SMOC1: variants seen among roughly 807,000 people sequenced by gnomAD.
The protein encoded by SMOC1 is SPARC-related modular calcium-binding protein 1.
A neutral mutation model predicts 56.3 loss-of-function variants in SMOC1; 22 were observed. That is an observed-to-expected ratio of 0.39 (90% CI 0.28 to 0.56). The LOEUF is 0.56. Among genes scored for constraint, SMOC1 ranks in the 20% least tolerant of loss-of-function variants. SMOC1 has a pLI of 0.61. For missense variants in SMOC1, 509 were observed against 565.4 expected, an observed-to-expected ratio of 0.90 and a Z score of 1.01; for synonymous variants, 193 against 215.0, an observed-to-expected ratio of 0.90 and a Z score of 0.89.
intron 1 of SMOC1, among the ~76,000 whole-genome samples, chr14:69,933,936 TGA>T (rs1885232499): frequency 6.6e-6 from 1 of 152,216 alleles, no homozygotes; most frequent in Admixed American, 6.5e-5. Context: ...TTTAAAAAAC[TGA>T]TTTAGTCAAT....
chr14:69,902,888 G>A (rs1372188967), intron 1 of SMOC1, among the ~76,000 whole-genome samples: 3 of 152,194 alleles, frequency 2.0e-5, no homozygotes, highest in South Asian at 2.1e-4. Flanking sequence ...CCAAGGTGCC[G>A]GGATTGCAGA....
At chr14:69,981,336 T>C (rs1017547908) in intron 5 of SMOC1, among the ~76,000 whole-genome samples, 2 of 152,202 alleles carry the variant, frequency 1.3e-5, no homozygotes, top group Non-Finnish European at 2.9e-5. Flanking sequence ...CTTTCCTCAC[T>C]CTGTTCTTTG....
At chr14:69,967,157 A>G (rs552701580) in intron 3 of SMOC1, among the ~76,000 whole-genome samples, 17 of 152,340 alleles carry the variant, frequency 1.1e-4, no homozygotes, top group Admixed American at 6.5e-4. Flanking sequence ...AATGCAGTTG[A>G]CAAAGACTCC....
intron 1 of SMOC1, among the ~76,000 whole-genome samples, chr14:69,913,863 C>T (rs774897389): frequency 6.6e-6 from 1 of 152,194 alleles, no homozygotes; most frequent in Non-Finnish European, 1.5e-5. Context: ...TTCCTTATCT[C>T]CTTGGCTCAT....
intron 1 of SMOC1, among the ~76,000 whole-genome samples, chr14:69,921,584 G>A (rs1356142407): frequency 2.0e-5 from 3 of 152,178 alleles, no homozygotes; most frequent in African/African-American, 7.2e-5. Context: ...GTCTGCAAGA[G>A]GCGTGAAAGA....
intron 5 of SMOC1, among the ~76,000 whole-genome samples, chr14:69,984,383 A>G (rs1011938982): frequency 6.6e-6 from 1 of 152,258 alleles, no homozygotes; most frequent in Non-Finnish European, 1.5e-5. Flanking sequence ...AGAAGATAAT[A>G]TATATAAGTT....
chr14:70,008,191 G>A (rs67769254), intron 7 of SMOC1, among the ~76,000 whole-genome samples: 20,523 of 151,930 alleles, frequency 0.14, 1,601 homozygotes, highest in African/African-American at 0.2. Context: ...GTGCAGTGGC[G>A]TGATCATGGC....
chr14:70,029,622 A>G lies in SMOC1; in HGVS notation c.1292-620A>G, dbSNP rs80160647. ...GACCCAGCATACGGAAGAAGGTGCC[A>G]GTTCTCTGGTCAAGGCCACTCAATG... On this transcript the variant is annotated intron_variant, in intron 11 of 11. Coordinates refer to ENST00000361956, the MANE Select transcript of SMOC1 (RefSeq NM_001034852.3). Among the ~76,000 whole-genome samples, 32 of 152,334 alleles carry G rather than the reference A, an allele frequency of 2.1e-4. 1 individual carries two copies. The East Asian group carries it at 6.2e-3, about 29-fold the overall frequency.
At chr14:69,985,931 T>TATGTATGGGGAAAAAACAGG (rs1884348191) in intron 5 of SMOC1, among the ~76,000 whole-genome samples, 1 of 152,286 alleles carries the variant, frequency 6.6e-6, no homozygotes, top group African/African-American at 2.4e-5. Flanking sequence ...TTATCATAGG[T>TATGTATGGGGAAAAAACAGG]ATGTATGGGG....
chr14:69,984,700 C>CA, intron 5 of SMOC1, among the ~76,000 whole-genome samples: 1 of 145,820 alleles, frequency 6.9e-6, no homozygotes, highest in South Asian at 2.2e-4. Flanking sequence ...AAAAAAAATA[C>CA]AAAAATTAGC....
intron 1 of SMOC1, among the ~76,000 whole-genome samples, chr14:69,916,086 T>C (rs578257009): frequency 1.3e-5 from 2 of 152,234 alleles, no homozygotes. Context: ...GATAGGCATC[T>C]GAAACCAACA....
chr14:69,879,847 G>A (rs1883586677), intron 1 of SMOC1, 70 bp downstream of exon 1: 2 of 1,333,690 alleles, frequency 1.5e-6, no homozygotes, highest in Non-Finnish European at 2.0e-6. Flanking sequence ...CATCCCTGAG[G>A]GAAGGAGGAG....
At chr14:69,914,966 A>C (rs1884648071) in intron 1 of SMOC1, among the ~76,000 whole-genome samples, 2 of 152,026 alleles carry the variant, frequency 1.3e-5, no homozygotes, top group Non-Finnish European at 2.9e-5. Context: ...TCCTGGGTTC[A>C]AGTGATTCTC....
At chr14:69,909,519 A>G (rs1484757783) in intron 1 of SMOC1, among the ~76,000 whole-genome samples, 1 of 152,162 alleles carries the variant, frequency 6.6e-6, no homozygotes, top group East Asian at 1.9e-4. Context: ...TGGCCAGGAA[A>G]CAGCTTTAAG....
chr14:69,907,470 C>A (rs987556103), intron 1 of SMOC1, among the ~76,000 whole-genome samples: 1 of 152,158 alleles, frequency 6.6e-6, no homozygotes, highest in Non-Finnish European at 1.5e-5. Flanking sequence ...GATCCTAGTT[C>A]TCCCTTTGTA....
At chr14:69,943,483 A>G (rs1882653141) in intron 1 of SMOC1, among the ~76,000 whole-genome samples, 1 of 152,208 alleles carries the variant, frequency 6.6e-6, no homozygotes, top group African/African-American at 2.4e-5. Context: ...GTGATGTTTT[A>G]ATGGGAAACT....
rs114120643 is a variant in SMOC1, at chr14:69,995,337, C to T, written c.664+857C>T. On this transcript the variant is annotated intron_variant, in intron 7 of 11. Transcript: ENST00000361956. ...TTCACCAGCTCTGTCCTAATGGTGG[C>T]GATGTGGCATTAGAATGCAAGGAAT... is the stretch of plus-strand genomic sequence containing the variant. Among the ~76,000 whole-genome samples the T allele has an allele frequency of 3.3e-3, 506 of 152,274 alleles. 2 individuals carry two copies. Among genetic ancestry groups the T allele is most frequent in the African/African-American group, 0.012 (486 of 41,556 alleles).
intron 3 of SMOC1, among the ~76,000 whole-genome samples, chr14:69,973,209 G>T (rs943440808): frequency 2.0e-5 from 3 of 152,228 alleles, no homozygotes; most frequent in Non-Finnish European, 4.4e-5. Context: ...GTCTGTGGAG[G>T]TTACTAGAGG....
chr14:69,981,149 C>T (rs900391806), intron 5 of SMOC1, among the ~76,000 whole-genome samples: 3 of 151,806 alleles, frequency 2.0e-5, no homozygotes, highest in East Asian at 1.9e-4. Flanking sequence ...TGGTCACAGC[C>T]GTTTGGTCTA....
Sources: allele counts gnomAD v4.1 joint callset (sites outside exome capture counted in the v4.1 genomes callset), GRCh38; gene constraint gnomAD v4.1.1; transcripts MANE v1.5; gene names NCBI Gene and HGNC (gene_info 2026-07-23, HGNC 2026-07-21).